The following GRM5 variants were observed in gnomAD, a reference collection of about 807,000 sequenced individuals.
GRM5 encodes the protein glutamate metabotropic receptor 5, also known as metabotropic glutamate receptor 5.
GRM5 carries 19 observed loss-of-function variants against 83.1 expected under a neutral mutation model. The ratio of observed to expected loss-of-function variants is 0.23; its 90% CI spans 0.16 to 0.34. The LOEUF (loss-of-function observed/expected upper bound fraction) is 0.34, where lower values mean the gene tolerates loss of function less well. Ranked by LOEUF, GRM5 falls within the 10% of genes least tolerant of loss-of-function variation. The pLI is 1.00. For missense variants in GRM5, 1,160 were observed against 1,588.3 expected (o/e 0.73, Z 4.58); for synonymous variants, 675 against 633.6 (o/e 1.07, Z -0.98).
intron 3 of GRM5, among the ~76,000 whole-genome samples, chr11:88,754,387 A>C (rs541375361): frequency 8.7e-4 from 132 of 152,240 alleles, no homozygotes; most frequent in Non-Finnish European, 1.5e-3. Flanking sequence ...TTGTTTACCT[A>C]TATAACGAAC....
At chr11:88,695,791 T>A (rs1028685556) in intron 3 of GRM5, among the ~76,000 whole-genome samples, 1 of 152,146 alleles carries the variant, frequency 6.6e-6, no homozygotes, top group Non-Finnish European at 1.5e-5. Context: ...GCTTCTTCCA[T>A]GCTCTGCTGC....
chr11:88,508,563 G>A lies in GRM5; in HGVS notation c.*29C>T, dbSNP rs759373017. ...GAACACGGGGGGCTCCGCTCCGCACGCGCAGGCCGGCGTGCTTTCCAGGGA... is the reference window on the plus strand; with the variant it reads ...GAACACGGGGGGCTCCGCTCCGCACACGCAGGCCGGCGTGCTTTCCAGGGA... On this transcript the variant is annotated 3_prime_UTR_variant, in exon 10 of 10. Coordinates refer to ENST00000305447, the MANE Select transcript of GRM5 (RefSeq NM_001143831.3). This position sits in a 1 kb window ranked among gnomAD's most constrained non-coding sequence, Gnocchi z 4.2. 7 of 1,583,778 alleles carry A rather than the reference G, an allele frequency of 4.4e-6. No homozygotes were observed. In the East Asian group the frequency reaches 6.9e-5, roughly 16 times the overall value.
At chr11:88,972,618 A>G (rs1939201998) in intron 2 of GRM5, among the ~76,000 whole-genome samples, 1 of 152,174 alleles carries the variant, frequency 6.6e-6, no homozygotes, top group African/African-American at 2.4e-5. Flanking sequence ...TTAGGAGATT[A>G]CCACTTGATA....
intron 3 of GRM5, among the ~76,000 whole-genome samples, chr11:88,781,754 A>T (rs1942980480): frequency 6.6e-6 from 1 of 152,190 alleles, no homozygotes; most frequent in South Asian, 2.1e-4. Flanking sequence ...TCCTCTGGCC[A>T]CCTCAGGGAA....
chr11:89,038,648 G>A (rs946966860), intron 2 of GRM5, among the ~76,000 whole-genome samples: 1 of 152,128 alleles, frequency 6.6e-6, no homozygotes, highest in African/African-American at 2.4e-5. Flanking sequence ...AACAAGGAAA[G>A]GTGCTGCTTT....
chr11:89,059,433 A>C (rs4753001), intron 1 of GRM5, among the ~76,000 whole-genome samples: 118,930 of 151,974 alleles, frequency 0.78, 46,973 homozygotes, highest in East Asian at 0.86. Context: ...AGAGGAAGGG[A>C]TGCTGACTCA....
intron 3 of GRM5, among the ~76,000 whole-genome samples, chr11:88,781,647 G>C (rs889520681): frequency 1.3e-5 from 2 of 152,198 alleles, no homozygotes; most frequent in African/African-American, 4.8e-5. Context: ...AAGGCAAGTA[G>C]TTAGCTTGTT....
intron 2 of GRM5, among the ~76,000 whole-genome samples, chr11:88,933,367 G>T (rs12802590): frequency 1.5e-4 from 23 of 151,680 alleles, no homozygotes; most frequent in South Asian, 6.2e-4. Context: ...TTGGTGAAAG[G>T]TCTTTGCTGC....
chr11:88,995,094 C>G (rs1457044001), intron 2 of GRM5, among the ~76,000 whole-genome samples: 2 of 151,962 alleles, frequency 1.3e-5, no homozygotes, highest in Non-Finnish European at 2.9e-5. Flanking sequence ...AGAAAAATTC[C>G]CAGAACAATG....
intron 8 of GRM5, among the ~76,000 whole-genome samples, chr11:88,544,082 C>CACAT (rs1555066101): frequency 2.0e-5 from 3 of 152,224 alleles, no homozygotes; most frequent in South Asian, 2.1e-4. Flanking sequence ...CTCTCACACA[C>CACAT]ACACATACAC....
chr11:88,695,543 A>T (rs903704961), intron 3 of GRM5, among the ~76,000 whole-genome samples: 1 of 152,166 alleles, frequency 6.6e-6, no homozygotes, highest in Admixed American at 6.6e-5. Flanking sequence ...AGTAATTTTT[A>T]TCTTTCCCAT....
chr11:88,684,740 C>T (rs755547533), intron 3 of GRM5, among the ~76,000 whole-genome samples: 5 of 152,142 alleles, frequency 3.3e-5, no homozygotes, highest in Non-Finnish European at 5.9e-5. Flanking sequence ...CGATACTGTT[C>T]TAGTGGTAGT....
At chr11:88,841,429 C>CTT (rs2135530879) in intron 3 of GRM5, among the ~76,000 whole-genome samples, 1 of 152,248 alleles carries the variant, frequency 6.6e-6, no homozygotes, top group Non-Finnish European at 1.5e-5. Flanking sequence ...CCTTTAATGA[C>CTT]TTTGCTTTTT....
chr11:88,569,468 C>A (rs1477566088), intron 7 of GRM5, among the ~76,000 whole-genome samples: 1 of 152,216 alleles, frequency 6.6e-6, no homozygotes, highest in African/African-American at 2.4e-5. Flanking sequence ...CTACATTTTT[C>A]ATCAACCATT....
intron 2 of GRM5, among the ~76,000 whole-genome samples, chr11:89,042,520 T>C (rs746648678): frequency 3.9e-5 from 6 of 152,228 alleles, no homozygotes; most frequent in Admixed American, 6.5e-5. Flanking sequence ...ATGGAATGAA[T>C]AGTAATTTAT....
rs565169565 is a variant in GRM5 at position 88,520,010 on chromosome 11, G to A, written c.2726+5299C>T. ...CACACACTGGCTAGTGCCAGAACCA[G>A]ATATTGAAGTTCCTTTGATTTTAGA... is the stretch of plus-strand genomic sequence containing the variant. On this transcript the variant is annotated intron_variant, in intron 9 of 9. Transcript: ENST00000305447. Among the ~76,000 whole-genome samples the A allele has an allele frequency of 2.0e-5, 3 of 152,276 alleles. No homozygotes were observed. The South Asian group carries it at 6.2e-4, about 32-fold the overall frequency.
chr11:88,852,987 G>A (rs892225174), intron 2 of GRM5, among the ~76,000 whole-genome samples: 1 of 152,090 alleles, frequency 6.6e-6, no homozygotes, highest in African/African-American at 2.4e-5. Flanking sequence ...AGCTAAGGAA[G>A]TAACTATTAC....
chr11:88,634,988 C>A (rs375483314), intron 4 of GRM5, among the ~76,000 whole-genome samples: 1 of 152,230 alleles, frequency 6.6e-6, no homozygotes, highest in Non-Finnish European at 1.5e-5. Flanking sequence ...CATGACTCTA[C>A]GTTGCAAGGT....
At chr11:88,952,548 C>A (rs1196543868) in intron 2 of GRM5, among the ~76,000 whole-genome samples, 1 of 151,982 alleles carries the variant, frequency 6.6e-6, no homozygotes, top group Non-Finnish European at 1.5e-5. Flanking sequence ...AGAAAAATTT[C>A]TACCATTAAC....
Sources: gnomAD v4.1 joint callset for allele counts (sites outside exome capture counted in the v4.1 genomes callset) on GRCh38, gnomAD v4.1.1 for gene constraint, Gnocchi (gnomAD v3.1) non-coding constraint, MANE v1.5 for transcripts, NCBI Gene and HGNC (gene_info 2026-07-23, HGNC 2026-07-21) for gene names.